Variants in CUBN observed in about 807,000 individuals in gnomAD.
CUBN encodes 460 kDa receptor.
A neutral mutation model predicts 405.3 loss-of-function variants in CUBN; 282 were observed. The observed-to-expected ratio is 0.70, with a 90% CI of 0.63 to 0.77. The LOEUF (loss-of-function observed/expected upper bound fraction) is 0.77. Ranked by LOEUF, CUBN falls within the 30% of genes least tolerant of loss-of-function variation. CUBN has a pLI of 0.00. For synonymous variants in CUBN, 1,684 were observed against 1,617.0 expected, an observed-to-expected ratio of 1.04 and a Z score of -0.99; for missense variants, 4,514 against 4,475.2, an observed-to-expected ratio of 1.01 and a Z score of -0.25.
chr10:16,998,654 C>G lies in CUBN; in HGVS notation c.4169-8139G>C, dbSNP rs979615217. Among the ~76,000 whole-genome samples, 5 of 152,174 alleles carry G rather than the reference C, an allele frequency of 3.3e-5. No homozygotes were observed. The South Asian group carries it at 6.2e-4, about 19-fold the overall frequency. On this transcript the variant is annotated intron_variant, in intron 28 of 66. Coordinates refer to ENST00000377833, the MANE Select transcript of CUBN (RefSeq NM_001081.4). ...CTCCCAGGTAGGTACAAAATGGTAA[C>G]AACTATTTGTGTGGTATTCAAGGAG...
intron 59 of CUBN, among the ~76,000 whole-genome samples, chr10:16,864,948 C>CTTTT (rs35045969): frequency 8.0e-5 from 4 of 50,054 alleles, no homozygotes; most frequent in African/African-American, 1.1e-4. Context: ...CCATGCCCAG[C>CTTTT]TTTTTTTTTT....
intron 4 of CUBN, among the ~76,000 whole-genome samples, chr10:17,125,083 C>T (rs571621507): frequency 5.3e-5 from 8 of 152,174 alleles, no homozygotes; most frequent in South Asian, 4.2e-4. Context: ...CCACCTGCCT[C>T]GGCCTCCTAA....
At chr10:17,054,575 A>G (rs1215087663) in intron 22 of CUBN, among the ~76,000 whole-genome samples, 5 of 152,002 alleles carry the variant, frequency 3.3e-5, no homozygotes, top group Non-Finnish European at 7.4e-5. Flanking sequence ...AATTCTACCA[A>G]AACTGATCAA....
At chr10:17,058,706 T>C (rs1477431264) in intron 22 of CUBN, among the ~76,000 whole-genome samples, 3 of 152,070 alleles carry the variant, frequency 2.0e-5, no homozygotes, top group Non-Finnish European at 4.4e-5. Context: ...TTTCTTCCCT[T>C]GACAATATAA....
chr10:16,975,754 C>G (rs1833074586), intron 31 of CUBN, among the ~76,000 whole-genome samples: 1 of 151,408 alleles, frequency 6.6e-6, no homozygotes, highest in Non-Finnish European at 1.5e-5. Context: ...CCTCAGCCTC[C>G]CAAGTCGCTG....
chr10:16,828,760 G>T, intron 66 of CUBN, 45 bp downstream of exon 66: 2 of 1,407,030 alleles, frequency 1.4e-6, no homozygotes, highest in Non-Finnish European at 2.0e-6. Context: ...ACTCATTATT[G>T]TCTAAAAATA....
At chr10:17,007,047 C>T (rs1327474635) in intron 28 of CUBN, among the ~76,000 whole-genome samples, 1 of 152,166 alleles carries the variant, frequency 6.6e-6, no homozygotes. Flanking sequence ...TGTTTGTATG[C>T]TGGATTCCAT....
At chr10:17,023,899 C>T (rs1834577844) in intron 27 of CUBN, among the ~76,000 whole-genome samples, 1 of 152,074 alleles carries the variant, frequency 6.6e-6, no homozygotes, top group Non-Finnish European at 1.5e-5. Flanking sequence ...GTGTATATTA[C>T]AAAACCTTCC....
At chr10:16,860,445 T>C (rs1839981609) in intron 59 of CUBN, among the ~76,000 whole-genome samples, 1 of 152,170 alleles carries the variant, frequency 6.6e-6, no homozygotes, top group Non-Finnish European at 1.5e-5. Flanking sequence ...ATATAATAAT[T>C]ATAAATGTAC....
At chr10:16,912,960 G>C (rs1204222761) in intron 48 of CUBN, among the ~76,000 whole-genome samples, 1 of 152,206 alleles carries the variant, frequency 6.6e-6, no homozygotes, top group African/African-American at 2.4e-5. Flanking sequence ...GGGGGACGAG[G>C]TGGAACTTTC....
chr10:16,831,989 A>C (rs541481446), intron 64 of CUBN, among the ~76,000 whole-genome samples: 1 of 152,332 alleles, frequency 6.6e-6, no homozygotes, highest in African/African-American at 2.4e-5. Flanking sequence ...AAATCTATAC[A>C]ATGTCTGTTG....
chr10:16,968,782 C>T (rs1013521779), intron 31 of CUBN, among the ~76,000 whole-genome samples: 2 of 152,222 alleles, frequency 1.3e-5, no homozygotes, highest in African/African-American at 2.4e-5. Flanking sequence ...TGAAAGGAAA[C>T]GTAATGAAGC....
intron 59 of CUBN, among the ~76,000 whole-genome samples, chr10:16,863,780 C>CTTCTTTCT (rs71287325): frequency 3.9e-5 from 6 of 152,002 alleles, no homozygotes; most frequent in Non-Finnish European, 8.8e-5. Flanking sequence ...TCTCTGTCTC[C>CTTCTTTCT]TTCTTTCTTT....
chr10:16,954,589 C>T (rs747986465), intron 31 of CUBN, 41 bp from the exon 32 acceptor site: 3 of 1,606,892 alleles, frequency 1.9e-6, no homozygotes, highest in African/African-American at 2.7e-5. Flanking sequence ...TTCAGATTCA[C>T]ATCTAGAAGG....
intron 22 of CUBN, among the ~76,000 whole-genome samples, chr10:17,054,287 C>T (rs1419630718): frequency 5.5e-5 from 8 of 144,378 alleles, no homozygotes; most frequent in Non-Finnish European, 1.0e-4. Context: ...GCTGAGATCG[C>T]ACCACTGCAC....
At chr10:16,940,511 A>C (rs749613216) in intron 36 of CUBN, among the ~76,000 whole-genome samples, 1 of 152,228 alleles carries the variant, frequency 6.6e-6, no homozygotes, top group Non-Finnish European at 1.5e-5. Flanking sequence ...TATATAAGGC[A>C]GAATAGTGTG....
chr10:16,937,266 T>C (rs1842535332), intron 39 of CUBN, among the ~76,000 whole-genome samples: 1 of 152,148 alleles, frequency 6.6e-6, no homozygotes, highest in South Asian at 2.1e-4. Flanking sequence ...ATTGTGTGTG[T>C]GTGTGAATGT....
rs1471631616 is a variant in CUBN at position 16,982,598 on chromosome 10, G to A, written c.4581C>T (p.Pro1527=). The A allele has an allele frequency of 6.2e-7, 1 of 1,613,550 alleles. No homozygotes were observed. Among genetic ancestry groups the A allele is most frequent in the Admixed American group, 1.7e-5 (1 of 60,022 alleles). ...PSGEIHSPNY[P]SPYRSNTDCS... is the part of the protein sequence containing the mutation. ...AGTCTGTGTTGCTCCTATAAGGACT[G>A]GGGTAATTTGGAGAATGAATCTCTC... Residue 1527 remains proline, a synonymous_variant, in exon 31 of 67, where the codon CCC becomes CCT. Transcript: ENST00000377833.
At chr10:17,085,854 A>G in intron 15 of CUBN, 95 bp from the exon 16 acceptor site, 2 of 1,176,508 alleles carry the variant, frequency 1.7e-6, no homozygotes, top group East Asian at 2.5e-5. Context: ...CTATCATTTA[A>G]AAGTGATCGC....
Sources: allele counts gnomAD v4.1 joint callset (sites outside exome capture counted in the v4.1 genomes callset), GRCh38; gene constraint gnomAD v4.1.1; transcripts MANE v1.5; gene names NCBI Gene and HGNC (gene_info 2026-07-23, HGNC 2026-07-21).